Variants in NDUFA8 observed in about 807,000 individuals in gnomAD.
NDUFA8 encodes NADH dehydrogenase [ubiquinone] 1 alpha subcomplex subunit 8.
A neutral mutation model predicts 20.9 loss-of-function variants in NDUFA8; 16 were observed. The observed-to-expected ratio is 0.77, with a 90% CI of 0.52 to 1.16. The LOEUF (loss-of-function observed/expected upper bound fraction) is 1.16, where lower values mean the gene tolerates loss of function less well. Ranked by LOEUF, NDUFA8 falls within the 50% of genes most tolerant of loss-of-function variation. NDUFA8 has a pLI of 0.00. For synonymous variants in NDUFA8, 70 were observed against 76.1 expected (o/e 0.92, Z 0.41); for missense variants, 202 against 216.4 (o/e 0.93, Z 0.42).
intron 2 of NDUFA8, among the ~76,000 whole-genome samples, chr9:122,150,669 C>A (rs1192081010): frequency 6.6e-6 from 1 of 151,748 alleles, no homozygotes; most frequent in Non-Finnish European, 1.5e-5. Context: ...AATATATAAC[C>A]ATTAAGAATG....
intron 1 of NDUFA8, 73 bp from the exon 2 acceptor site, chr9:122,152,481 C>T (rs1397653835): frequency 1.1e-5 from 16 of 1,455,070 alleles, no homozygotes; most frequent in Admixed American, 3.6e-5. Flanking sequence ...TTACCTCATG[C>T]GGGTCAGAAT....
chr9:122,135,069 A>AG, the NDUFA8 span, among the ~76,000 whole-genome samples: 1 of 152,224 alleles, frequency 6.6e-6, no homozygotes, highest in Non-Finnish European at 1.5e-5. Flanking sequence ...CTGACTCAAC[A>AG]GGGGGCCCCC....
the NDUFA8 span, among the ~76,000 whole-genome samples, chr9:122,133,640 T>C: frequency 1.3e-5 from 2 of 152,058 alleles, no homozygotes; most frequent in African/African-American, 4.8e-5. Flanking sequence ...AGTTTTGGAA[T>C]GGACTGGCAG....
chr9:122,143,366 A>G (rs1564407119), downstream of NDUFA8, among the ~76,000 whole-genome samples: 1 of 152,252 alleles, frequency 6.6e-6, no homozygotes, highest in Non-Finnish European at 1.5e-5. Flanking sequence ...TAGTGAAAAA[A>G]GAATTGAATG....
At chr9:122,153,534 T>C (rs1785061775) in intron 1 of NDUFA8, among the ~76,000 whole-genome samples, 1 of 152,160 alleles carries the variant, frequency 6.6e-6, no homozygotes, top group South Asian at 2.1e-4. Context: ...TTTAGTGATA[T>C]TTTCTTGAGA....
chr9:122,139,695 T>C (rs764582524), downstream of NDUFA8, among the ~76,000 whole-genome samples: 2 of 152,098 alleles, frequency 1.3e-5, no homozygotes, highest in Non-Finnish European at 2.9e-5. Flanking sequence ...CCACACCAAT[T>C]TTTATTTTTT....
intron 2 of NDUFA8, among the ~76,000 whole-genome samples, chr9:122,151,883 A>G (rs961825766): frequency 1.3e-5 from 2 of 152,126 alleles, no homozygotes; most frequent in African/African-American, 4.8e-5. Flanking sequence ...AGTAATGACA[A>G]CAACCTAGTG....
At chr9:122,136,019 G>C in the NDUFA8 span, among the ~76,000 whole-genome samples, 3 of 152,188 alleles carry the variant, frequency 2.0e-5, no homozygotes, top group Non-Finnish European at 4.4e-5. Context: ...TGACATACAA[G>C]ACAGCTGTAC....
At chr9:122,141,105 G>A (rs1425123168), downstream of NDUFA8, among the ~76,000 whole-genome samples, 1 of 152,242 alleles carries the variant, frequency 6.6e-6, no homozygotes, top group Non-Finnish European at 1.5e-5. Context: ...CTGGCAAGGG[G>A]ATAGCATTCG....
chr9:122,155,625 AATTT>A (rs1372003812), intron 1 of NDUFA8, among the ~76,000 whole-genome samples: 3 of 152,250 alleles, frequency 2.0e-5, no homozygotes, highest in African/African-American at 4.8e-5. Flanking sequence ...AAAATAAAAG[AATTT>A]ATTTAGGTAA....
chr9:122,158,893 G>A (rs1829126818), intron 1 of NDUFA8, among the ~76,000 whole-genome samples: 1 of 151,748 alleles, frequency 6.6e-6, no homozygotes, highest in Non-Finnish European at 1.5e-5. Flanking sequence ...ATCCTGCCTG[G>A]TATCTAGAAA....
At chr9:122,152,104 C>T in intron 2 of NDUFA8, 141 bp downstream of exon 2, 1 of 927,190 alleles carries the variant, frequency 1.1e-6, no homozygotes, top group Non-Finnish European at 1.6e-6. Context: ...AAATAATTAT[C>T]ATCCTTTGAA....
chr9:122,154,526 A>G (rs565607296), intron 1 of NDUFA8, among the ~76,000 whole-genome samples: 1 of 152,330 alleles, frequency 6.6e-6, no homozygotes, highest in Non-Finnish European at 1.5e-5. Context: ...TTGCTTGTAT[A>G]CTGTATTTTC....
intron 1 of NDUFA8, among the ~76,000 whole-genome samples, chr9:122,153,417 G>C (rs553199206): frequency 6.6e-6 from 1 of 151,988 alleles, no homozygotes; most frequent in African/African-American, 2.4e-5. Flanking sequence ...AGTCCATCTA[G>C]TAATAACTAA....
chr9:122,141,857 C>T (rs1467253663), downstream of NDUFA8, among the ~76,000 whole-genome samples: 1 of 152,076 alleles, frequency 6.6e-6, no homozygotes, highest in East Asian at 1.9e-4. Context: ...ATCGCGAGTA[C>T]AGGAAAGCCA....
the NDUFA8 span, among the ~76,000 whole-genome samples, chr9:122,136,399 T>C: frequency 2.0e-5 from 3 of 152,000 alleles, no homozygotes; most frequent in African/African-American, 7.2e-5. Context: ...CAATACTCAA[T>C]ATTATCAACT....
At chr9:122,134,934 C>A in the NDUFA8 span, among the ~76,000 whole-genome samples, 1 of 152,246 alleles carries the variant, frequency 6.6e-6, no homozygotes, top group Non-Finnish European at 1.5e-5. Flanking sequence ...AGGCTGGAAT[C>A]CTCCCCAAAT....
In NDUFA8 at chr9:122,148,228, T is replaced by C; in HGVS notation, c.265A>G (p.Ile89Val). 4 of 1,614,178 alleles carry C rather than the reference T, an allele frequency of 2.5e-6. No homozygotes were observed. Among genetic ancestry groups the C allele is most frequent in the East Asian group, 2.2e-5 (1 of 44,876 alleles). Residue 89 changes from isoleucine (I) to valine (V), a missense_variant, in exon 3 of 4, where the codon ATT (isoleucine) becomes GTT (valine). Transcript: ENST00000373768. ...AEPFTEYWTC[I>V]DYTGQQLFRH... Reference sequence around the variant, plus strand: ...AATAACTGCTGGCCAGTATAATCAATGCAAGTCCAATATTCTGTAAAAGGC... The same window carrying C: ...AATAACTGCTGGCCAGTATAATCAACGCAAGTCCAATATTCTGTAAAAGGC...
chr9:122,146,882 T>A (rs1363752484), intron 3 of NDUFA8, among the ~76,000 whole-genome samples: 1 of 151,942 alleles, frequency 6.6e-6, no homozygotes, highest in Non-Finnish European at 1.5e-5. Flanking sequence ...GGAGAGAGAG[T>A]AAGACCTGAG....
Sources: gnomAD v4.1 joint callset for allele counts (sites outside exome capture counted in the v4.1 genomes callset) on GRCh38, gnomAD v4.1.1 for gene constraint, MANE v1.5 for transcripts, NCBI Gene and HGNC (gene_info 2026-07-23, HGNC 2026-07-21) for gene names.